Variants in LRRC37A2 observed in about 807,000 individuals in gnomAD.
LRRC37A2 encodes leucine-rich repeat-containing protein 37A2.
LRRC37A2 carries 9 observed loss-of-function variants against 68.8 expected under a neutral mutation model. The observed-to-expected ratio is 0.13, with a 90% confidence interval of 0.08 to 0.23. The LOEUF is 0.23. Ranked by LOEUF, LRRC37A2 falls within the 10% of genes least tolerant of loss-of-function variation. The probability of loss-of-function intolerance (pLI) is 1.00; values close to 1 mark genes in which losing one functional copy is unlikely to be tolerated. For missense variants in LRRC37A2, 168 were observed against 950.4 expected (o/e 0.18, Z 10.82); for synonymous variants, 63 against 367.6 (o/e 0.17, Z 9.48).
chr17:46,969,539 C>G, the LRRC37A2 span, among the ~76,000 whole-genome samples: 1 of 152,202 alleles, frequency 6.6e-6, no homozygotes, highest in Non-Finnish European at 1.5e-5. Context: ...CCTAAACAAC[C>G]GTGGAACGAT....
chr17:46,511,703 A>AT (rs1486639283), intron 1 of LRRC37A2: 1 of 58,080 alleles, frequency 1.7e-5, no homozygotes, highest in East Asian at 2.8e-4. Flanking sequence ...GACCTCAGTG[A>AT]TCCCCCCACC....
the LRRC37A2 span, among the ~76,000 whole-genome samples, chr17:46,392,505 C>T: frequency 1.5e-4 from 4 of 26,672 alleles, no homozygotes; most frequent in South Asian, 5.6e-3. Flanking sequence ...TTTCTTTTCT[C>T]TCTTTCTCTC....
At chr17:46,899,414 AAACAAACAAACC>A in the LRRC37A2 span, among the ~76,000 whole-genome samples, 12 of 151,874 alleles carry the variant, frequency 7.9e-5, no homozygotes, top group African/African-American at 2.9e-4. Flanking sequence ...CAAAACAAAC[AAACAAACAAACC>A]AACAAACAAA....
chr17:47,021,696 T>C, the LRRC37A2 span: 1 of 723,618 alleles, frequency 1.4e-6, no homozygotes, highest in Non-Finnish European at 2.3e-6. Flanking sequence ...TCTTGATGAA[T>C]TGTGCAAACT....
the LRRC37A2 span, among the ~76,000 whole-genome samples, chr17:46,742,611 AT>A: frequency 6.6e-6 from 1 of 152,074 alleles, no homozygotes; most frequent in African/African-American, 2.4e-5. Flanking sequence ...GTATGTGGGG[AT>A]TGAGTTGGCC....
At chr17:47,036,423 T>C in the LRRC37A2 span, among the ~76,000 whole-genome samples, 4 of 152,180 alleles carry the variant, frequency 2.6e-5, no homozygotes, top group Non-Finnish European at 2.9e-5. Flanking sequence ...TAATTTAAGG[T>C]CATGAGATTT....
At chr17:46,703,992 T>C in the LRRC37A2 span, among the ~76,000 whole-genome samples, 2 of 150,998 alleles carry the variant, frequency 1.3e-5, no homozygotes, top group African/African-American at 4.9e-5. Context: ...TAGCATATGG[T>C]CCTCAAGGTT....
At chr17:46,976,647 GT>G in the LRRC37A2 span, among the ~76,000 whole-genome samples, 1 of 152,178 alleles carries the variant, frequency 6.6e-6, no homozygotes. Flanking sequence ...TTAGAGGAGA[GT>G]TCTCGCAGTG....
the LRRC37A2 span, among the ~76,000 whole-genome samples, chr17:46,959,436 A>G: frequency 6.6e-6 from 1 of 152,200 alleles, no homozygotes; most frequent in Non-Finnish European, 1.5e-5. Flanking sequence ...AGATTGCCTT[A>G]AATCGCTTGA....
chr17:47,007,600 T>C, the LRRC37A2 span, among the ~76,000 whole-genome samples: 1 of 152,260 alleles, frequency 6.6e-6, no homozygotes. Context: ...GAAAATCAGA[T>C]ACATCAAATG....
At chr17:46,656,958 CA>C in the LRRC37A2 span, among the ~76,000 whole-genome samples, 2 of 2,148 alleles carry the variant, frequency 9.3e-4, no homozygotes, top group Non-Finnish European at 0.023. Flanking sequence ...TACATAGAAC[CA>C]AAAAAAAAAA....
the LRRC37A2 span, among the ~76,000 whole-genome samples, chr17:46,696,374 C>T: frequency 1.4e-5 from 2 of 140,922 alleles, no homozygotes; most frequent in African/African-American, 5.8e-5. Context: ...TAACCCTCCA[C>T]GTGCAGTAAC....
the LRRC37A2 span, among the ~76,000 whole-genome samples, chr17:46,633,596 TACA>T: frequency 3.6e-5 from 5 of 137,400 alleles, no homozygotes; most frequent in African/African-American, 1.4e-4. Flanking sequence ...ATGAATATAC[TACA>T]TTTTATTCAT....
chr17:46,963,543 CA>C, the LRRC37A2 span, among the ~76,000 whole-genome samples: 50,959 of 137,336 alleles, frequency 0.37, 8,619 homozygotes, highest in East Asian at 0.52. Context: ...GGCTCGGTCT[CA>C]AAAAAAAAAA....
the LRRC37A2 span, chr17:46,728,767 T>C: frequency 2.2e-6 from 2 of 904,232 alleles, no homozygotes; most frequent in East Asian, 5.1e-5. Context: ...GTGTTTACTT[T>C]TGATGCAAAA....
chr17:46,835,504 C>T, the LRRC37A2 span, among the ~76,000 whole-genome samples: 2 of 152,212 alleles, frequency 1.3e-5, no homozygotes, highest in Non-Finnish European at 2.9e-5. Flanking sequence ...AGCCACCACG[C>T]CCAGCCCAGT....
chr17:47,012,947 G>A, the LRRC37A2 span, among the ~76,000 whole-genome samples: 1 of 152,098 alleles, frequency 6.6e-6, no homozygotes, highest in East Asian at 1.9e-4. Flanking sequence ...GCCAAAAATA[G>A]AAATAACCCA....
At chr17:46,758,599 C>T in the LRRC37A2 span, among the ~76,000 whole-genome samples, 1 of 152,172 alleles carries the variant, frequency 6.6e-6, no homozygotes, top group Non-Finnish European at 1.5e-5. Flanking sequence ...TAAATTTGTA[C>T]ATCTTCACTG....
the LRRC37A2 span, among the ~76,000 whole-genome samples, chr17:46,901,891 C>T: frequency 1.3e-5 from 2 of 151,372 alleles, no homozygotes. Flanking sequence ...ACTGCAACCT[C>T]CATCTCCCAG....
Sources: allele counts gnomAD v4.1 joint callset (sites outside exome capture counted in the v4.1 genomes callset), GRCh38; gene constraint gnomAD v4.1.1; transcripts MANE v1.5; gene names NCBI Gene and HGNC (gene_info 2026-07-23, HGNC 2026-07-21).